DLGAP4: variants seen among roughly 807,000 people sequenced by gnomAD.
DLGAP4 encodes the protein disks large-associated protein 4.
Under a neutral mutation model 86.9 loss-of-function variants are expected in DLGAP4, and 18 were observed. The ratio of observed to expected loss-of-function variants is 0.21; its 90% CI spans 0.14 to 0.31. The LOEUF (loss-of-function observed/expected upper bound fraction) is 0.31. Ranked by LOEUF, DLGAP4 falls within the 10% of genes least tolerant of loss-of-function variation. DLGAP4 has a pLI of 1.00. For missense variants in DLGAP4, 1,085 were observed against 1,362.6 expected (o/e 0.80, Z 3.21); for synonymous variants, 548 against 574.3 (o/e 0.95, Z 0.65).
At position 36,436,187 on chromosome 20, in the gene DLGAP4, C is replaced by T. The variant is rs1238816985; in HGVS notation, c.1078C>T (p.Pro360Ser). 1.2e-6 allele frequency: 2 copies of T among 1,601,672 alleles called. No homozygotes were observed. Among genetic ancestry groups the T allele is most frequent in the African/African-American group, 1.3e-5 (1 of 74,880 alleles). Reference sequence around the variant, plus strand: ...GGATGCCGCGGCCGAGGGCCCTATCCCGTGCCGGCGCATGCGCAGCGGCAG... The same window carrying T: ...GGATGCCGCGGCCGAGGGCCCTATCTCGTGCCGGCGCATGCGCAGCGGCAG... Reference protein sequence around the residue: ...ETDAAAEGPIPCRRMRSGSYI... With the variant: ...ETDAAAEGPISCRRMRSGSYI... The change falls in exon 4 of 13, where the codon CCG (proline) becomes TCG (serine). Residue 360 changes from proline to serine, a missense_variant. Physicochemically the swap from Pro to Ser is moderately conservative, Grantham distance 74 (BLOSUM62 -1). Coordinates refer to ENST00000339266, the MANE Select transcript of DLGAP4 (RefSeq NM_001365621.2).
intron 7 of DLGAP4, chr20:36,462,263 G>C: frequency 7.9e-7 from 1 of 1,271,630 alleles, no homozygotes; most frequent in African/African-American, 1.6e-5. Flanking sequence ...CCCCTGGTTT[G>C]TCCCCTGTCG....
At chr20:36,330,692 C>T (rs1173499833) in intron 1 of DLGAP4, among the ~76,000 whole-genome samples, 1 of 151,942 alleles carries the variant, frequency 6.6e-6, no homozygotes, top group Non-Finnish European at 1.5e-5. Context: ...CCTGCCTCAG[C>T]CTCCCGAGTA....
intron 10 of DLGAP4, among the ~76,000 whole-genome samples, chr20:36,512,047 ATT>A (rs72011781): frequency 8.7e-4 from 101 of 116,034 alleles, no homozygotes; most frequent in African/African-American, 3.2e-3. Flanking sequence ...TGTCTCTCTG[ATT>A]TTTTTTTTTT....
intron 2 of DLGAP4, among the ~76,000 whole-genome samples, chr20:36,421,543 G>A (rs1445276225): frequency 6.6e-6 from 1 of 152,088 alleles, no homozygotes; most frequent in Non-Finnish European, 1.5e-5. Context: ...CTGAGTGAGA[G>A]ATAGTGGGGA....
chr20:36,327,526 G>A (rs1158955881), intron 1 of DLGAP4, among the ~76,000 whole-genome samples: 4 of 152,042 alleles, frequency 2.6e-5, no homozygotes, highest in Non-Finnish European at 4.4e-5. Flanking sequence ...CCATCTGCTA[G>A]GCCGAGGGAT....
intron 1 of DLGAP4, among the ~76,000 whole-genome samples, chr20:36,325,797 A>T (rs2065210417): frequency 6.6e-6 from 1 of 151,910 alleles, no homozygotes. Context: ...GCTCACTGCA[A>T]ACCTCTACCT....
chr20:36,477,780 T>C (rs1233945808), intron 7 of DLGAP4, among the ~76,000 whole-genome samples: 1 of 152,128 alleles, frequency 6.6e-6, no homozygotes, highest in Non-Finnish European at 1.5e-5. Context: ...CCTAGCACAG[T>C]GTTTGGATGC....
intron 11 of DLGAP4, among the ~76,000 whole-genome samples, chr20:36,524,817 G>A (rs1462768107): frequency 4.6e-5 from 7 of 151,936 alleles, no homozygotes; most frequent in South Asian, 2.1e-4. Flanking sequence ...CAGGAGAATC[G>A]CCTGAACCCG....
intron 2 of DLGAP4, among the ~76,000 whole-genome samples, chr20:36,382,527 CTTTTTT>C (rs749210064): frequency 2.7e-5 from 3 of 110,470 alleles, no homozygotes; most frequent in African/African-American, 1.1e-4. Context: ...TTCTTTTTTT[CTTTTTT>C]TTTTTTTTTT....
At chr20:36,465,769 C>CGGGAAGGCT (rs534322636) in intron 7 of DLGAP4, among the ~76,000 whole-genome samples, 24 of 152,274 alleles carry the variant, frequency 1.6e-4, no homozygotes, top group Non-Finnish European at 2.9e-4. Flanking sequence ...TGGGCTCTTG[C>CGGGAAGGCT]GGGAAGGCTG....
At position 36,528,219 on chromosome 20, in the gene DLGAP4, AT is replaced by A. The variant is rs141906314; in HGVS notation, c.*1198del. ...GCCCAGCCTCTGAGTTTTCTGTTCT[AT>A]TTTTTTTTTAACCCCAATTATCCTT... On this transcript the variant is annotated 3_prime_UTR_variant, in exon 13 of 13. Coordinates refer to ENST00000339266, the MANE Select transcript of DLGAP4 (RefSeq NM_001365621.2). 4,059 of 131,750 alleles carry A rather than the reference AT, an allele frequency of 0.031. 181 individuals carry two copies. Among genetic ancestry groups the A allele is most frequent in the African/African-American group, 0.11 (3,803 of 34,508 alleles). The allele number at this position is 131,750 out of a possible 1,614,324, so 8.2% of individuals were successfully genotyped here. A position where few individuals can be genotyped will look rare whatever the true frequency, so the allele number is the denominator to read the frequency against.
intron 1 of DLGAP4, among the ~76,000 whole-genome samples, chr20:36,344,208 T>C (rs2065413246): frequency 6.6e-6 from 1 of 152,186 alleles, no homozygotes; most frequent in Non-Finnish European, 1.5e-5. Flanking sequence ...TCCCGACTCT[T>C]CACTAGCTGT....
At chr20:36,405,472 G>T (rs931301892) in intron 2 of DLGAP4, among the ~76,000 whole-genome samples, 2 of 152,316 alleles carry the variant, frequency 1.3e-5, no homozygotes, top group Admixed American at 1.3e-4. Flanking sequence ...ATGCGAGGGA[G>T]GCTGGGACAT....
intron 1 of DLGAP4, among the ~76,000 whole-genome samples, chr20:36,363,767 C>T (rs781872059): frequency 6.6e-6 from 1 of 152,188 alleles, no homozygotes; most frequent in Non-Finnish European, 1.5e-5. Flanking sequence ...GGCCAGAAGC[C>T]GTATGTGCAT....
intron 2 of DLGAP4, among the ~76,000 whole-genome samples, chr20:36,420,465 G>A (rs1450617744): frequency 1.3e-5 from 2 of 152,176 alleles, no homozygotes; most frequent in Non-Finnish European, 2.9e-5. Context: ...AAAAGCAGGA[G>A]CAAACCATCC....
At chr20:36,476,639 A>T (rs563447094) in intron 7 of DLGAP4, among the ~76,000 whole-genome samples, 7 of 125,436 alleles carry the variant, frequency 5.6e-5, no homozygotes. Context: ...AGCAACCACC[A>T]TTCTTTCTAT....
rs114239817 is a variant in DLGAP4 at position 36,433,107 on chromosome 20, G to A, written c.999+391G>A. ...CAGGGATCACATCTGATGCAGCCAT[G>A]TGTCCCCAAGGCCCAGGACAGGATC... On this transcript the variant is annotated intron_variant, in intron 3 of 12. Coordinates refer to ENST00000339266, the MANE Select transcript of DLGAP4 (RefSeq NM_001365621.2). Among the ~76,000 whole-genome samples the A allele has an allele frequency of 7.3e-3, 1,108 of 152,276 alleles. 16 individuals are homozygous for A. The highest frequency in any genetic ancestry group is 0.025 in the African/African-American group (1,046 of 41,556).
At chr20:36,330,024 C>CA (rs574074810) in intron 1 of DLGAP4, among the ~76,000 whole-genome samples, 50,443 of 116,018 alleles carry the variant, frequency 0.43, 9,476 homozygotes, top group African/African-American at 0.54. Flanking sequence ...ACTCTTGTCT[C>CA]AAAAAAAAAA....
intron 2 of DLGAP4, among the ~76,000 whole-genome samples, chr20:36,371,754 TG>T (rs1357409995): frequency 2.6e-4 from 40 of 152,306 alleles, no homozygotes; most frequent in African/African-American, 9.6e-4. Flanking sequence ...TAGAGGTTTT[TG>T]TTTTTTTTTT....
Sources: gnomAD v4.1 joint callset for allele counts (sites outside exome capture counted in the v4.1 genomes callset) on GRCh38, gnomAD v4.1.1 for gene constraint, MANE v1.5 for transcripts, NCBI Gene and HGNC (gene_info 2026-07-23, HGNC 2026-07-21) for gene names.